The following CFAP161 variants were observed in gnomAD, a reference collection of about 807,000 sequenced individuals.
CFAP161 encodes cilia- and flagella-associated protein 161.
CFAP161 carries 25 observed loss-of-function variants against 29.0 expected under a neutral mutation model. That is an observed-to-expected ratio of 0.86 (90% confidence interval 0.63 to 1.20). The LOEUF (loss-of-function observed/expected upper bound fraction) is 1.20, where lower values mean the gene tolerates loss of function less well. CFAP161 is among the 50% of genes most tolerant of loss of function. The pLI is 0.00. For missense variants in CFAP161, 367 were observed against 371.9 expected, an observed-to-expected ratio of 0.99 and a Z score of 0.11; for synonymous variants, 116 against 137.4, an observed-to-expected ratio of 0.84 and a Z score of 1.09.
At chr15:81,107,440 C>T (rs1241827433) in intron 1 of CFAP161, among the ~76,000 whole-genome samples, 1 of 152,174 alleles carries the variant, frequency 6.6e-6, no homozygotes, top group Non-Finnish European at 1.5e-5. Flanking sequence ...ATTTAAATTA[C>T]AGAGGCTGGG....
rs921526799 is a variant in CFAP161, at chr15:81,103,449, G to A, written c.-141-24141G>A. The stretch of plus-strand genomic sequence containing the variant: ...CCCTATATCCTGGAGAAAGGATTGG[G>A]GACCTTATGAACCTTCCATAAAAAC... On this transcript the variant is annotated intron_variant, in intron 1 of 4. Coordinates refer to the CFAP161 transcript ENST00000560091. 1.3e-4 allele frequency among the ~76,000 whole-genome samples: 20 copies of A among 152,082 alleles called. No homozygotes were observed. In the East Asian group the frequency reaches 1.4e-3, roughly 10 times the overall value.
chr15:81,145,788 A>G (rs993389341), intron 5 of CFAP161, among the ~76,000 whole-genome samples: 1 of 152,216 alleles, frequency 6.6e-6, no homozygotes, highest in Non-Finnish European at 1.5e-5. Context: ...GGGAGAACAC[A>G]CACCATGGGG....
chr15:81,121,776 G>A (rs957714989), intron 1 of CFAP161, among the ~76,000 whole-genome samples: 5 of 152,116 alleles, frequency 3.3e-5, no homozygotes, highest in African/African-American at 1.2e-4. Flanking sequence ...AGGTAAACAT[G>A]TCATGGGGGT....
At chr15:81,115,476 G>A (rs113765706) in intron 1 of CFAP161, among the ~76,000 whole-genome samples, 21 of 152,214 alleles carry the variant, frequency 1.4e-4, no homozygotes, top group African/African-American at 4.8e-4. Flanking sequence ...GGAGGAAGTG[G>A]CTTTAAGTCA....
Position 81,143,610 on chromosome 15 carries a change from C to T in CFAP161, c.478-52C>T, listed in dbSNP as rs1595920073. On this transcript the variant is annotated intron_variant, in intron 4 of 6. Transcript: ENST00000286732. ...AGCCAGTCAATTGCTTCTTTATTCTCCAGCTTTTCACAGAGCTCTGACTTA... is the reference window on the plus strand; with the variant it reads ...AGCCAGTCAATTGCTTCTTTATTCTTCAGCTTTTCACAGAGCTCTGACTTA... 3.2e-6 allele frequency: 5 copies of T among 1,559,312 alleles called. No homozygotes were observed. In the East Asian group the frequency reaches 9.1e-5, roughly 28 times the overall value.
At chr15:81,101,297 C>T (rs60821710) in intron 1 of CFAP161, among the ~76,000 whole-genome samples, 1 of 151,114 alleles carries the variant, frequency 6.6e-6, no homozygotes, top group African/African-American at 2.4e-5. Context: ...GAGGCTGAGT[C>T]TATTGGATCA....
In CFAP161 at chr15:81,141,311, G is replaced by A. The variant is rs188255228; in HGVS notation, c.478-2351G>A. Among the ~76,000 whole-genome samples, 623 of 152,224 alleles carry A rather than the reference G, an allele frequency of 4.1e-3. 5 individuals are homozygous for A. Among genetic ancestry groups the A allele is most frequent in the African/African-American group, 0.014 (601 of 41,532 alleles). On this transcript the variant is annotated intron_variant, in intron 4 of 6. Coordinates refer to ENST00000286732, the MANE Select transcript of CFAP161 (RefSeq NM_173528.4). ...TATTTTCAGATGCTATTGTAGAGAG[G>A]TCCTTTTGATAGAATAAGGATAGAA...
At chr15:81,112,246 A>G (rs1391811015) in intron 1 of CFAP161, among the ~76,000 whole-genome samples, 2 of 152,150 alleles carry the variant, frequency 1.3e-5, no homozygotes, top group East Asian at 1.9e-4. Flanking sequence ...TCATCCAACA[A>G]GAACTTTTAA....
At chr15:81,120,900 G>T (rs547580491) in intron 1 of CFAP161, among the ~76,000 whole-genome samples, 3 of 152,312 alleles carry the variant, frequency 2.0e-5, no homozygotes, top group African/African-American at 7.2e-5. Context: ...GAAACTGTCT[G>T]TAGTTTAGAA....
At chr15:81,111,052 T>C (rs1894433897) in intron 1 of CFAP161, among the ~76,000 whole-genome samples, 1 of 152,378 alleles carries the variant, frequency 6.6e-6, no homozygotes, top group South Asian at 2.1e-4. Context: ...TATGTAGTTC[T>C]GTTAAACTGG....
At chr15:81,107,999 C>G (rs1014270021) in intron 1 of CFAP161, among the ~76,000 whole-genome samples, 1 of 151,944 alleles carries the variant, frequency 6.6e-6, no homozygotes, top group Non-Finnish European at 1.5e-5. Context: ...TCTGCACTTC[C>G]GTTTCCTCGT....
chr15:81,142,274 T>A (rs549467406), intron 4 of CFAP161, among the ~76,000 whole-genome samples: 1 of 152,060 alleles, frequency 6.6e-6, no homozygotes, highest in East Asian at 1.9e-4. Flanking sequence ...CTTTTTTTTT[T>A]AATTTTCATT....
At chr15:81,118,048 T>C (rs1894521950) in intron 1 of CFAP161, 1 of 507,092 alleles carries the variant, frequency 2.0e-6, no homozygotes, top group Non-Finnish European at 3.6e-6. Context: ...GTCCAGGCTT[T>C]TTAGACATTC....
intron 3 of CFAP161, among the ~76,000 whole-genome samples, chr15:81,137,278 C>G (rs1178946863): frequency 1.3e-5 from 2 of 152,166 alleles, no homozygotes; most frequent in Non-Finnish European, 2.9e-5. Flanking sequence ...ATTCGTATGA[C>G]AGCAATGTAA....
chr15:81,126,638 T>A (rs377408478), intron 1 of CFAP161, among the ~76,000 whole-genome samples: 2 of 152,348 alleles, frequency 1.3e-5, no homozygotes, highest in African/African-American at 4.8e-5. Context: ...GATTTTGACC[T>A]GTTTGATCTG....
At chr15:81,135,120 G>T in intron 1 of CFAP161, 150 bp from the exon 2 acceptor site, 1 of 499,550 alleles carries the variant, frequency 2.0e-6, no homozygotes, top group South Asian at 3.8e-5. Flanking sequence ...TTAAAGTAGT[G>T]CTAAAAACGT....
chr15:81,114,274 T>C (rs1894470513), intron 1 of CFAP161, among the ~76,000 whole-genome samples: 1 of 152,232 alleles, frequency 6.6e-6, no homozygotes, highest in Non-Finnish European at 1.5e-5. Flanking sequence ...TACACTATAC[T>C]GTGGTCTATT....
Position 81,148,392 on chromosome 15 carries a change from T to C in CFAP161, c.765T>C (p.His255=), listed in dbSNP as rs537125394. 5.6e-6 allele frequency: 9 copies of C among 1,614,178 alleles called. No homozygotes were observed. In the African/African-American group the frequency reaches 9.3e-5, roughly 17 times the overall value. ...TAGCTCACACATACCTGGATTCACA[T>C]AGAGTTGAGAAACCAAGGAACCACT... ...EVVAHTYLDS[H]RVEKPRNHWM... is the part of the protein sequence containing the mutation. Residue 255 remains histidine, a synonymous_variant, in exon 7 of 7, where the codon CAT becomes CAC. Coordinates refer to ENST00000286732, the MANE Select transcript of CFAP161 (RefSeq NM_173528.4).
upstream of CFAP161, among the ~76,000 whole-genome samples, chr15:81,133,253 C>G (rs1461952775): frequency 1.4e-5 from 2 of 139,234 alleles, no homozygotes; most frequent in African/African-American, 5.5e-5. Context: ...GAGATGGGGT[C>G]TCACTATGTT....
Sources: gnomAD v4.1 joint callset for allele counts (sites outside exome capture counted in the v4.1 genomes callset) on GRCh38, gnomAD v4.1.1 for gene constraint, MANE v1.5 for transcripts, NCBI Gene and HGNC (gene_info 2026-07-23, HGNC 2026-07-21) for gene names.